The following KLC4 variants were observed in gnomAD, a reference collection of about 807,000 sequenced individuals.
KLC4 encodes the protein kinesin light chain 4.
In KLC4, 49 loss-of-function variants were observed where a neutral mutation model predicts 77.2. That is an observed-to-expected ratio of 0.63 (90% confidence interval 0.50 to 0.80). KLC4 has a LOEUF of 0.80. KLC4 is among the 30% of genes least tolerant of loss of function. The pLI is 0.00. For synonymous variants in KLC4, 274 were observed against 314.5 expected (o/e 0.87, Z 1.36); for missense variants, 669 against 793.5 (o/e 0.84, Z 1.89).
chr6:43,066,237 T>C (rs567844945), intron 4 of KLC4, 69 bp from the exon 5 acceptor site: 5 of 1,282,176 alleles, frequency 3.9e-6, no homozygotes, highest in Non-Finnish European at 5.7e-6. Context: ...AGACATGCAA[T>C]GGGGAGTGGA....
At chr6:43,071,435 C>G (rs761998639) in intron 9 of KLC4, 61 bp downstream of exon 9, 2 of 1,550,996 alleles carry the variant, frequency 1.3e-6, no homozygotes, top group East Asian at 2.2e-5. Context: ...GACCAAAGGT[C>G]GGGGGTTAGG....
intron 15 of KLC4, 63 bp from the exon 16 acceptor site, chr6:43,074,559 C>G: frequency 7.2e-7 from 1 of 1,384,458 alleles, no homozygotes; most frequent in South Asian, 1.2e-5. Context: ...TGGATGGACT[C>G]TAGGAGCCAG....
intron 6 of KLC4, among the ~76,000 whole-genome samples, chr6:43,068,111 C>CA (rs763158428): frequency 0.29 from 7,244 of 25,098 alleles, 2,348 homozygotes; most frequent in Middle Eastern, 0.43. Flanking sequence ...GACTCCGTCT[C>CA]AAAAAAAAAA....
chr6:43,062,842 C>A, intron 2 of KLC4, 75 bp from the exon 3 acceptor site: 1 of 1,276,532 alleles, frequency 7.8e-7, no homozygotes, highest in Non-Finnish European at 1.1e-6. Context: ...TTGCCACGTC[C>A]CAGTAGGCTC....
intron 8 of KLC4, 69 bp downstream of exon 8, chr6:43,070,934 C>T (rs1204146943): frequency 4.8e-6 from 5 of 1,032,518 alleles, no homozygotes; most frequent in South Asian, 1.8e-5. Context: ...GGAGGGGGGG[C>T]AGGCGGAGAG....
At position 43,062,940 on chromosome 6, in the gene KLC4, C is replaced by A; in HGVS notation, c.282C>A (p.His94Gln). The stretch of plus-strand genomic sequence containing the variant: ...AGGTGATGCTGGCTCTAGCCAGCCA[C>A]CTGAGCACAGTGGAGTCGGAGAAAC... ...EAQVMLALAS[H>Q]LSTVESEKQK... Residue 94 changes from histidine (H) to glutamine (Q), a missense_variant, in exon 3 of 16, where the codon CAC (histidine) becomes CAA (glutamine). By Grantham distance (24) the His-to-Gln change is conservative (BLOSUM62 0). Transcript: ENST00000347162. The A allele has an allele frequency of 6.2e-7, 1 of 1,614,180 alleles. No individual in the cohort carries two copies. The highest frequency in any genetic ancestry group is 1.1e-5 in the South Asian group (1 of 91,088).
intron 1 of KLC4, chr6:43,060,673 G>A: frequency 4.8e-6 from 5 of 1,052,482 alleles, no homozygotes; most frequent in South Asian, 5.0e-5. Flanking sequence ...TGAGTCCTGG[G>A]GGGTGGGAAG....
At chr6:43,065,165 C>A (rs1765350879) in intron 3 of KLC4, among the ~76,000 whole-genome samples, 1 of 152,048 alleles carries the variant, frequency 6.6e-6, no homozygotes, top group Non-Finnish European at 1.5e-5. Flanking sequence ...ACCTCTGCCT[C>A]CCAGGTTCAA....
At chr6:43,064,390 C>T (rs887672864) in intron 3 of KLC4, among the ~76,000 whole-genome samples, 1 of 152,098 alleles carries the variant, frequency 6.6e-6, no homozygotes, top group African/African-American at 2.4e-5. Context: ...CTGATGTGGT[C>T]GTGTGCACCT....
intron 12 of KLC4, 98 bp from the exon 13 acceptor site, chr6:43,072,726 A>G (rs1765790946): frequency 1.7e-6 from 2 of 1,186,300 alleles, no homozygotes; most frequent in East Asian, 4.7e-5. Flanking sequence ...ACAAGGAAAA[A>G]TGTTTTCCTT....
At chr6:43,071,171 A>T (rs1765702121) in intron 8 of KLC4, 104 bp from the exon 9 acceptor site, 2 of 696,466 alleles carry the variant, frequency 2.9e-6, no homozygotes, top group Non-Finnish European at 2.4e-6. Context: ...TGAGAAGTGG[A>T]ACTCCCTGAG....
At chr6:43,071,712 C>A in intron 10 of KLC4, 93 bp downstream of exon 10, 1 of 1,471,684 alleles carries the variant, frequency 6.8e-7, no homozygotes, top group Non-Finnish European at 9.4e-7. Context: ...CACTTCCCAT[C>A]CCAGCACCAG....
chr6:43,063,849 C>T (rs544264297), intron 3 of KLC4, among the ~76,000 whole-genome samples: 2 of 151,778 alleles, frequency 1.3e-5, no homozygotes, highest in South Asian at 2.1e-4. Context: ...CTACCATGCC[C>T]GGTCCAAAAT....
rs746358366 is a variant in KLC4, at chr6:43,073,868, G to C, written c.1746-34G>C. On this transcript the variant is annotated intron_variant, in intron 14 of 15. Transcript: ENST00000347162. ...GCCTTAAGGCCACTCAGGAGGAAGAGAGGAGGCCTCAATTCTTCCGTTTTC... is the reference window on the plus strand; with the variant it reads ...GCCTTAAGGCCACTCAGGAGGAAGACAGGAGGCCTCAATTCTTCCGTTTTC... 3 of 1,605,372 alleles carry C rather than the reference G, an allele frequency of 1.9e-6. No individual in the cohort carries two copies. In the African/African-American group the frequency reaches 4.0e-5, roughly 21 times the overall value.
chr6:43,063,669 T>G (rs1414259425), intron 3 of KLC4, among the ~76,000 whole-genome samples: 2 of 152,048 alleles, frequency 1.3e-5, no homozygotes, highest in Non-Finnish European at 2.9e-5. Flanking sequence ...TTCTCCTGCC[T>G]CAGCCTCTTG....
Position 43,074,700 on chromosome 6 carries a change from G to A in KLC4, c.*28G>A. The stretch of plus-strand genomic sequence containing the variant: ...TTCAACCCGGCCCCCAGGTCTGCTG[G>A]GTCCCCCCACCCCCACAGCCCTCAC... On this transcript the variant is annotated 3_prime_UTR_variant, in exon 16 of 16. Coordinates refer to ENST00000347162, the MANE Select transcript of KLC4 (RefSeq NM_201521.3). 1 of 1,602,504 alleles carries A rather than the reference G, an allele frequency of 6.2e-7. No homozygotes were observed. Among genetic ancestry groups the A allele is most frequent in the Non-Finnish European group, 8.6e-7 (1 of 1,169,432 alleles).
intron 6 of KLC4, chr6:43,067,449 AAAC>A (rs1765494640): frequency 7.9e-6 from 2 of 252,800 alleles, no homozygotes; most frequent in South Asian, 1.4e-4. Context: ...TAAAAATACA[AAAC>A]AACAGTAGTT....
intron 11 of KLC4, 25 bp downstream of exon 11, chr6:43,071,947 T>A: frequency 1.3e-6 from 2 of 1,597,394 alleles, no homozygotes; most frequent in Non-Finnish European, 1.7e-6. Context: ...AAAAGCCAGC[T>A]TGGCCTCCGA....
At chr6:43,060,138 G>T (rs1765065617) in intron 1 of KLC4, 2 of 1,597,448 alleles carry the variant, frequency 1.3e-6, no homozygotes, top group Non-Finnish European at 1.7e-6. Context: ...TGCATCATCG[G>T]GCATTGTGGA....
Sources: allele counts gnomAD v4.1 joint callset (sites outside exome capture counted in the v4.1 genomes callset), GRCh38; gene constraint gnomAD v4.1.1; transcripts MANE v1.5; gene names NCBI Gene and HGNC (gene_info 2026-07-23, HGNC 2026-07-21).